Variants in MYBPC1 observed in about 807,000 individuals in gnomAD.
MYBPC1 encodes the protein myosin binding protein C1.
In MYBPC1, 52 loss-of-function variants were observed where a neutral mutation model predicts 147.1. That is an observed-to-expected ratio of 0.35 (90% CI 0.28 to 0.45). The LOEUF (loss-of-function observed/expected upper bound fraction) is 0.45. Among genes scored for constraint, MYBPC1 ranks in the 20% least tolerant of loss-of-function variants. The pLI, the probability that MYBPC1 is intolerant of heterozygous loss-of-function variation, is 1.00. For missense variants in MYBPC1, 1,228 were observed against 1,440.3 expected (o/e 0.85, Z 2.39); for synonymous variants, 477 against 475.9 (o/e 1.00, Z -0.03).
chr12:101,635,928 C>T (rs1388357149), intron 9 of MYBPC1, among the ~76,000 whole-genome samples: 1 of 152,142 alleles, frequency 6.6e-6, no homozygotes, highest in Non-Finnish European at 1.5e-5. Context: ...TATATGAAAT[C>T]ACAGTGGTGG....
At chr12:101,597,401 T>C (rs1362661253) in intron 1 of MYBPC1, among the ~76,000 whole-genome samples, 1 of 152,082 alleles carries the variant, frequency 6.6e-6, no homozygotes, top group African/African-American at 2.4e-5. Context: ...TTGGCCCTCC[T>C]AGGATCCAGG....
intron 12 of MYBPC1, 34 bp from the exon 13 acceptor site, chr12:101,646,729 C>T (rs1185202174): frequency 5.6e-6 from 9 of 1,609,678 alleles, no homozygotes; most frequent in Non-Finnish European, 6.8e-6. Flanking sequence ...ATCACATTCA[C>T]AGACTCTGTT....
downstream of MYBPC1, among the ~76,000 whole-genome samples, chr12:101,686,436 G>C (rs1289202011): frequency 5.3e-5 from 8 of 152,164 alleles, 1 homozygote; most frequent in Non-Finnish European, 8.8e-5. Flanking sequence ...ACAGACAACA[G>C]ACCTATTACA....
chr12:101,602,881 T>C (rs1880654114), intron 1 of MYBPC1, among the ~76,000 whole-genome samples: 1 of 152,202 alleles, frequency 6.6e-6, no homozygotes, highest in African/African-American at 2.4e-5. Flanking sequence ...CCATGTCCAA[T>C]TCGGGGGTCT....
intron 3 of MYBPC1, among the ~76,000 whole-genome samples, chr12:101,625,927 T>C (rs868424390): frequency 6.6e-6 from 1 of 150,680 alleles, no homozygotes; most frequent in Non-Finnish European, 1.5e-5. Context: ...CTACCAAAAA[T>C]GCAAAAAAAA....
At chr12:101,663,292 T>A in intron 21 of MYBPC1, 134 bp from the exon 22 acceptor site, 1 of 816,994 alleles carries the variant, frequency 1.2e-6, no homozygotes, top group Admixed American at 1.8e-5. Flanking sequence ...GCTCAAGGTG[T>A]CTTAACTGAA....
the MYBPC1 span, among the ~76,000 whole-genome samples, chr12:101,691,219 A>G: frequency 6.6e-6 from 1 of 152,106 alleles, no homozygotes; most frequent in Non-Finnish European, 1.5e-5. Context: ...TTGCAGGTGC[A>G]TGCCACCATG....
At chr12:101,674,313 C>T (rs1899370639) in intron 25 of MYBPC1, among the ~76,000 whole-genome samples, 1 of 152,088 alleles carries the variant, frequency 6.6e-6, no homozygotes, top group African/African-American at 2.4e-5. Flanking sequence ...ATGTTTCTTA[C>T]TACACCTAAA....
chr12:101,662,262 T>A (rs1896702791), intron 20 of MYBPC1, 96 bp from the exon 21 acceptor site: 19 of 1,230,448 alleles, frequency 1.5e-5, no homozygotes, highest in Non-Finnish European at 2.1e-5. Flanking sequence ...CATAGATTGA[T>A]GACAAAATGC....
chr12:101,692,768 A>G, the MYBPC1 span, among the ~76,000 whole-genome samples: 4 of 152,272 alleles, frequency 2.6e-5, no homozygotes, highest in Non-Finnish European at 5.9e-5. Context: ...GGAAATCTCT[A>G]ATATACTTTT....
rs1896517160 is a variant in MYBPC1, at chr12:101,661,328, A to T, written c.2032+66A>T. On this transcript the variant is annotated intron_variant, in intron 20 of 31. Transcript: ENST00000361466. ...TTGTGTCCTCTTTACGCATCTTAGT[A>T]CAGAGCACATTTTAAAGTATTGCAT... 6.0e-6 allele frequency: 6 copies of T among 1,003,178 alleles called. No individual in the cohort carries two copies. The Admixed American group carries it at 7.5e-5, about 13-fold the overall frequency. 62.1% of individuals were successfully genotyped at this position (1,003,178 alleles called of 1,614,324 possible). A position where few individuals can be genotyped will look rare whatever the true frequency, so the allele number is the denominator to read the frequency against.
chr12:101,597,760 G>A (rs1262075630), intron 1 of MYBPC1, among the ~76,000 whole-genome samples: 3 of 152,066 alleles, frequency 2.0e-5, no homozygotes, highest in Non-Finnish European at 4.4e-5. Context: ...GTATTCTTTG[G>A]AGAACTATGT....
intron 28 of MYBPC1, among the ~76,000 whole-genome samples, chr12:101,679,680 G>T (rs1043284111): frequency 2.0e-5 from 3 of 152,124 alleles, no homozygotes; most frequent in African/African-American, 7.2e-5. Context: ...ATGGGATGAT[G>T]AATATAGACA....
At chr12:101,671,333 A>ACTCT (rs552950220) in intron 24 of MYBPC1, among the ~76,000 whole-genome samples, 4 of 133,146 alleles carry the variant, frequency 3.0e-5, no homozygotes, top group African/African-American at 6.2e-5. Context: ...ACACACACAC[A>ACTCT]CACACTCACA....
chr12:101,629,358 A>G, intron 5 of MYBPC1, 76 bp from the exon 6 acceptor site: 1 of 989,172 alleles, frequency 1.0e-6, no homozygotes. Context: ...CGTTGGTGAG[A>G]ACAACAAATC....
intron 7 of MYBPC1, 125 bp downstream of exon 7, chr12:101,631,844 C>A: frequency 7.0e-7 from 1 of 1,432,436 alleles, no homozygotes; most frequent in Non-Finnish European, 9.8e-7. Flanking sequence ...GTTACCATTG[C>A]AGTGTCTACA....
At chr12:101,655,874 G>A (rs1269787291) in intron 18 of MYBPC1, among the ~76,000 whole-genome samples, 1 of 63,998 alleles carries the variant, frequency 1.6e-5, no homozygotes, top group Non-Finnish European at 3.0e-5. Context: ...AATAAGTGAA[G>A]GTAAAATAAA....
At chr12:101,622,893 GTGA>G (rs1367101385) in intron 3 of MYBPC1, among the ~76,000 whole-genome samples, 22 of 152,156 alleles carry the variant, frequency 1.4e-4, no homozygotes, top group Non-Finnish European at 2.6e-4. Flanking sequence ...CTACTGTTGG[GTGA>G]TCTAGACGAA....
In MYBPC1 at chr12:101,680,325, C is replaced by G; in HGVS notation, c.3247-18C>G. ...TACAGATATGTTTTGACCTAAGTTTCTTCAATTTGAACTTCAGCCTAAAAT... is the reference window on the plus strand; with the variant it reads ...TACAGATATGTTTTGACCTAAGTTTGTTCAATTTGAACTTCAGCCTAAAAT... On this transcript the variant is annotated intron_variant, in intron 28 of 31. Coordinates refer to ENST00000361466, the MANE Select transcript of MYBPC1 (RefSeq NM_002465.4). The G allele has an allele frequency of 6.2e-7, 1 of 1,611,710 alleles. No individual in the cohort carries two copies.
Sources: gnomAD v4.1 joint callset for allele counts (sites outside exome capture counted in the v4.1 genomes callset) on GRCh38, gnomAD v4.1.1 for gene constraint, MANE v1.5 for transcripts, NCBI Gene and HGNC (gene_info 2026-07-23, HGNC 2026-07-21) for gene names.